Variants in FOXK2 observed in about 807,000 individuals in gnomAD.
The protein encoded by FOXK2 is forkhead box K2.
In FOXK2, 24 loss-of-function variants were observed where a neutral mutation model predicts 53.3. That is an observed-to-expected ratio of 0.45 (90% CI 0.33 to 0.63). The LOEUF (loss-of-function observed/expected upper bound fraction) is 0.63, where lower values mean the gene tolerates loss of function less well. FOXK2 is among the 30% of genes least tolerant of loss of function. FOXK2 has a pLI of 0.03. For synonymous variants in FOXK2, 505 were observed against 407.1 expected (o/e 1.24, Z -2.89); for missense variants, 952 against 910.5 (o/e 1.05, Z -0.59).
chr17:82,581,478 GT>G (rs34849884), intron 4 of FOXK2, among the ~76,000 whole-genome samples: 222 of 134,068 alleles, frequency 1.7e-3, no homozygotes, highest in Middle Eastern at 3.7e-3. Flanking sequence ...TTTTGTGTGG[GT>G]TTTTTTTTTT....
intron 1 of FOXK2, among the ~76,000 whole-genome samples, chr17:82,534,080 A>C (rs1179728425): frequency 1.3e-5 from 2 of 151,732 alleles, no homozygotes; most frequent in African/African-American, 2.4e-5. Flanking sequence ...GTCTCAAAAA[A>C]AAAAAAAAAG....
At chr17:82,583,311 G>A (rs1461526670) in intron 5 of FOXK2, among the ~76,000 whole-genome samples, 7 of 152,216 alleles carry the variant, frequency 4.6e-5, no homozygotes, top group Non-Finnish European at 1.0e-4. Context: ...TTGGGAGGCC[G>A]AGGCGGGCGG....
intron 1 of FOXK2, among the ~76,000 whole-genome samples, chr17:82,538,177 C>T (rs1341549590): frequency 2.0e-5 from 3 of 151,336 alleles, no homozygotes; most frequent in East Asian, 1.9e-4. Flanking sequence ...GAGCCGAGAT[C>T]GTGCCATTGC....
chr17:82,561,031 G>A (rs12940082), intron 1 of FOXK2, among the ~76,000 whole-genome samples: 2 of 152,168 alleles, frequency 1.3e-5, no homozygotes, highest in African/African-American at 2.4e-5. Context: ...GATTACAGAT[G>A]TGAGTCACTG....
At chr17:82,541,716 A>AC (rs1555636199) in intron 1 of FOXK2, among the ~76,000 whole-genome samples, 1 of 147,534 alleles carries the variant, frequency 6.8e-6, no homozygotes, top group Non-Finnish European at 1.5e-5. Context: ...AGGAAGGGTG[A>AC]TTTTTTTCTT....
intron 1 of FOXK2, among the ~76,000 whole-genome samples, chr17:82,548,618 T>C (rs2044648640): frequency 6.6e-6 from 1 of 152,220 alleles, no homozygotes; most frequent in Admixed American, 6.5e-5. Context: ...TATATTCAAA[T>C]ATTGATTTCT....
At position 82,587,104 on chromosome 17, in the gene FOXK2, G is replaced by C; in HGVS notation, c.1618G>C (p.Gly540Arg). 1 of 1,612,868 alleles carries C rather than the reference G, an allele frequency of 6.2e-7. No individual in the cohort carries two copies. The highest frequency in any genetic ancestry group is 8.5e-7 in the Non-Finnish European group (1 of 1,179,954). ...PIPAIGHATL[G>R]TASRIIQTAQ... ...TCCCGCCATTGGCCACGCCACGCTCGGCACTGCCAGCCGGATCATTCAGAC... is the reference window on the plus strand; with the variant it reads ...TCCCGCCATTGGCCACGCCACGCTCCGCACTGCCAGCCGGATCATTCAGAC... Residue 540 changes from glycine to arginine, a missense_variant, in exon 8 of 9, where the codon GGC (glycine) becomes CGC (arginine). Gly to Arg is a moderately radical substitution (Grantham distance 125). Around this residue, in one of 5 missense-constraint regions of FOXK2, gnomAD observed 551 missense variants for 385.1 expected, o/e 1.43. Transcript: ENST00000335255.
chr17:82,543,381 T>C (rs1300023871), intron 1 of FOXK2, among the ~76,000 whole-genome samples: 1 of 151,326 alleles, frequency 6.6e-6, no homozygotes, highest in African/African-American at 2.4e-5. Flanking sequence ...AGGTGAGAAC[T>C]TCTGGCATCT....
At chr17:82,527,069 A>T (rs2044425718) in intron 1 of FOXK2, among the ~76,000 whole-genome samples, 1 of 152,150 alleles carries the variant, frequency 6.6e-6, no homozygotes, top group African/African-American at 2.4e-5. Context: ...AACTCCTGAC[A>T]AGCTTGTGAG....
intron 6 of FOXK2, among the ~76,000 whole-genome samples, chr17:82,584,454 A>T (rs753804017): frequency 1.3e-5 from 2 of 151,804 alleles, no homozygotes; most frequent in Non-Finnish European, 2.9e-5. Context: ...AAAATCCATG[A>T]AACAGCCCCC....
intron 1 of FOXK2, among the ~76,000 whole-genome samples, chr17:82,520,608 G>C (rs1428916780): frequency 6.6e-6 from 1 of 152,258 alleles, no homozygotes; most frequent in Non-Finnish European, 1.5e-5. Flanking sequence ...TGTGCGTGCG[G>C]GGAGTTCACG....
At chr17:82,595,127 G>A (rs369426905) in intron 8 of FOXK2, among the ~76,000 whole-genome samples, 136 of 152,328 alleles carry the variant, frequency 8.9e-4, no homozygotes, top group African/African-American at 2.3e-3. Context: ...CTAACCATGG[G>A]GGCAACGTGG....
chr17:82,572,718 A>T (rs2044932314), intron 4 of FOXK2, among the ~76,000 whole-genome samples: 1 of 152,196 alleles, frequency 6.6e-6, no homozygotes, highest in African/African-American at 2.4e-5. Context: ...TAATTCATTA[A>T]GTAACCAGGA....
chr17:82,521,404 C>T lies in FOXK2; in HGVS notation c.419+1097C>T, dbSNP rs1260858597. On this transcript the variant is annotated intron_variant, in intron 1 of 8. Coordinates refer to ENST00000335255, the MANE Select transcript of FOXK2 (RefSeq NM_004514.4). Reference sequence around the variant, plus strand: ...GGCCAGGCTGGTATTGAACTCCTGACCTCGTGATCCACCCGCCTCGGCCTC... The same window carrying T: ...GGCCAGGCTGGTATTGAACTCCTGATCTCGTGATCCACCCGCCTCGGCCTC... Among the ~76,000 whole-genome samples, 3 of 148,896 alleles carry T rather than the reference C, an allele frequency of 2.0e-5. No homozygotes were observed. The Admixed American group carries it at 2.0e-4, about 10-fold the overall frequency.
chr17:82,597,482 C>T (rs1207721554), intron 8 of FOXK2, among the ~76,000 whole-genome samples: 1 of 152,176 alleles, frequency 6.6e-6, no homozygotes, highest in East Asian at 1.9e-4. Flanking sequence ...CCCTCCACCT[C>T]CCTCCGAGCC....
rs73371703 is a variant in FOXK2 at position 82,557,487 on chromosome 17, G to T, written c.420-5867G>T. Among the ~76,000 whole-genome samples, 932 of 151,988 alleles carry T rather than the reference G, an allele frequency of 6.1e-3. 8 individuals carry two copies. Among genetic ancestry groups the T allele is most frequent in the African/African-American group, 0.022 (899 of 41,444 alleles). On this transcript the variant is annotated intron_variant, in intron 1 of 8. Coordinates refer to ENST00000335255, the MANE Select transcript of FOXK2 (RefSeq NM_004514.4). ...GCCTCCCAAGTAGCTGGGATTACAT[G>T]CGCGTGCCACCATGCCTGGCTGATT...
At chr17:82,572,780 A>AACT (rs2044932996) in intron 4 of FOXK2, among the ~76,000 whole-genome samples, 1 of 152,232 alleles carries the variant, frequency 6.6e-6, no homozygotes, top group Admixed American at 6.5e-5. Flanking sequence ...CCTTTAAAAA[A>AACT]ACATCTAAAC....
At chr17:82,522,979 G>A (rs2044380420) in intron 1 of FOXK2, among the ~76,000 whole-genome samples, 1 of 151,982 alleles carries the variant, frequency 6.6e-6, no homozygotes, top group African/African-American at 2.4e-5. Flanking sequence ...ATTTTTAGTA[G>A]AGATGGGGTT....
rs774539241 is a variant in FOXK2, at chr17:82,520,028, A to G, written c.140A>G (p.Tyr47Cys). The G allele has an allele frequency of 6.7e-7, 1 of 1,495,770 alleles. No homozygotes were observed. The highest frequency in any genetic ancestry group is 8.9e-7 in the Non-Finnish European group (1 of 1,121,448). The allele number at this position is 1,495,770 out of a possible 1,614,324, so 92.7% of individuals were successfully genotyped here. The part of the protein sequence containing the change: ...VARLEGREFE[Y>C]LMKKRSVTIG... ...CGCCTGGAGGGCCGCGAGTTCGAGTATCTGATGAAGAAGCGCTCGGTGACC... is the reference window on the plus strand; with the variant it reads ...CGCCTGGAGGGCCGCGAGTTCGAGTGTCTGATGAAGAAGCGCTCGGTGACC... The change falls in exon 1 of 9, where the codon TAT becomes TGT. Residue 47 changes from tyrosine (Y) to cysteine (C), a missense_variant. This residue lies in a region of FOXK2 where 163 missense variants were observed against 165.5 expected (regional missense o/e 0.98). Coordinates refer to ENST00000335255, the MANE Select transcript of FOXK2 (RefSeq NM_004514.4).
Sources: gnomAD v4.1 joint callset for allele counts (sites outside exome capture counted in the v4.1 genomes callset) on GRCh38, gnomAD v4.1.1 for gene constraint, gnomAD v4.1.1 regional missense constraint, MANE v1.5 for transcripts, NCBI Gene and HGNC (gene_info 2026-07-23, HGNC 2026-07-21) for gene names.